The following RUNX3 variants were observed in gnomAD, a reference collection of about 807,000 sequenced individuals.
RUNX3 encodes RUNX family transcription factor 3.
RUNX3 carries 10 observed loss-of-function variants against 27.7 expected under a neutral mutation model. The ratio of observed to expected loss-of-function variants is 0.36; its 90% CI spans 0.22 to 0.61. The LOEUF (loss-of-function observed/expected upper bound fraction) is 0.61, where lower values mean the gene tolerates loss of function less well. Ranked by LOEUF, RUNX3 falls within the 20% of genes least tolerant of loss-of-function variation. The pLI is 0.72. For missense variants in RUNX3, 469 were observed against 629.5 expected (o/e 0.75, Z 2.73); for synonymous variants, 270 against 269.2 (o/e 1.00, Z -0.03).
intron 2 of RUNX3, among the ~76,000 whole-genome samples, chr1:24,960,681 C>A (rs1289008705): frequency 6.6e-6 from 1 of 152,012 alleles, no homozygotes; most frequent in Non-Finnish European, 1.5e-5. Context: ...GGGGGGGTGC[C>A]CCAGGGGGTG....
chr1:24,929,106 C>T, intron 1 of RUNX3: 1 of 460,002 alleles, frequency 2.2e-6, no homozygotes, highest in Middle Eastern at 3.2e-4. Flanking sequence ...GGCCTAGCGC[C>T]GTCCGGTAAA....
intron 3 of RUNX3, among the ~76,000 whole-genome samples, chr1:24,912,299 C>T (rs190309414): frequency 6.8e-4 from 103 of 152,314 alleles, no homozygotes; most frequent in African/African-American, 2.4e-3. Context: ...GTCAGAGGGG[C>T]CCCAGAAAGA....
intron 3 of RUNX3, among the ~76,000 whole-genome samples, chr1:24,914,258 C>A (rs554415378): frequency 1.9e-4 from 29 of 152,352 alleles, no homozygotes; most frequent in African/African-American, 6.7e-4. Flanking sequence ...ACAGTGTGGG[C>A]TCCAATGACC....
intron 2 of RUNX3, chr1:24,964,482 C>A (rs1419754520): frequency 6.3e-7 from 1 of 1,577,812 alleles, no homozygotes; most frequent in Admixed American, 1.7e-5. Context: ...GCCACAGCTC[C>A]CCACCCAGGG....
At chr1:24,903,270 G>A (rs904615432) in intron 4 of RUNX3, among the ~76,000 whole-genome samples, 14 of 152,198 alleles carry the variant, frequency 9.2e-5, no homozygotes, top group African/African-American at 3.1e-4. Context: ...TGCAGCACGC[G>A]GAGGTTCTGT....
Position 24,919,290 on chromosome 1 carries a change from G to A in RUNX3, c.494C>T (p.Thr165Ile). 3.7e-6 allele frequency: 6 copies of A among 1,605,474 alleles called. No homozygotes were observed. Among genetic ancestry groups the A allele is most frequent in the Non-Finnish European group, 5.1e-6 (6 of 1,176,422 alleles). The change falls in exon 3 of 5, where the codon ACC becomes ATC. Residue 165 changes from threonine to isoleucine, a missense_variant. Thr to Ile is a moderately conservative substitution (Grantham distance 89, BLOSUM62 -1). Coordinates refer to ENST00000308873, the MANE Select transcript of RUNX3 (RefSeq NM_004350.3). ...TVFTNPTQVA[T>I]YHRAIKVTVD... ...GGTCACCTTGATGGCTCGGTGGTAG[G>A]TCGCCACTTGGGTGGGGTTGGTGAA... is the stretch of plus-strand genomic sequence containing the variant.
In RUNX3 at chr1:24,901,980, C is replaced by T; in HGVS notation, c.*142G>A. 1.3e-6 allele frequency: 1 copy of T among 746,896 alleles called. No homozygotes were observed. The highest frequency in any genetic ancestry group is 2.7e-5 in the East Asian group (1 of 36,792). 46.3% of individuals were successfully genotyped at this position (746,896 alleles called of 1,614,324 possible). A position where few individuals can be genotyped will look rare whatever the true frequency, so the allele number is the denominator to read the frequency against. On this transcript the variant is annotated 3_prime_UTR_variant, in exon 5 of 5. Transcript: ENST00000308873. The stretch of plus-strand genomic sequence containing the variant: ...GGCTGCACAGATGCAGCCAGAGGCT[C>T]CCACCAGCTGGGACCACCCTGGGAC...
At chr1:24,924,507 G>A (rs189079605) in intron 2 of RUNX3, among the ~76,000 whole-genome samples, 12 of 147,654 alleles carry the variant, frequency 8.1e-5, no homozygotes, top group Middle Eastern at 3.4e-3. Flanking sequence ...TTTGTTCAGC[G>A]CTTTGCCAAC....
chr1:24,901,833 C>CG lies in RUNX3; in HGVS notation c.*288dup, dbSNP rs199797589. On this transcript the variant is annotated 3_prime_UTR_variant, in exon 5 of 5. Coordinates refer to ENST00000308873, the MANE Select transcript of RUNX3 (RefSeq NM_004350.3). ...ATAGCTGGAGACAGTGAGGTCCTTC[C>CG]GGGGGGGTGGCAGGAGGCTGATTCC... 48 of 433,722 alleles carry CG rather than the reference C, an allele frequency of 1.1e-4. No individual in the cohort carries two copies. The highest frequency in any genetic ancestry group is 1.6e-4 in the Non-Finnish European group (38 of 242,434). The allele number at this position is 433,722 out of a possible 1,614,324, so 26.9% of individuals were successfully genotyped here.
Position 24,904,219 on chromosome 1 carries a change from C to A in RUNX3, c.704-1553G>T. Among the ~76,000 whole-genome samples the A allele has an allele frequency of 6.6e-6, 1 of 152,150 alleles. No homozygotes were observed. The highest frequency in any genetic ancestry group is 1.9e-4 in the East Asian group (1 of 5,190). The stretch of plus-strand genomic sequence containing the variant: ...CCGGAGTGGGCTCTGCCTGCCACGC[C>A]GAGGCTTGGCTGAGGACGGAGAGCT... On this transcript the variant is annotated intron_variant, in intron 4 of 4. Coordinates refer to ENST00000308873, the MANE Select transcript of RUNX3 (RefSeq NM_004350.3). The surrounding 1 kb of genome is among the most constrained non-coding windows in gnomAD (Gnocchi z 5.7).
At chr1:24,949,916 A>G (rs1407524677) in intron 2 of RUNX3, among the ~76,000 whole-genome samples, 1 of 152,172 alleles carries the variant, frequency 6.6e-6, no homozygotes, top group Non-Finnish European at 1.5e-5. Context: ...CGGGGCTTCC[A>G]TGTCCCAGGG....
intron 1 of RUNX3, chr1:24,964,728 C>A: frequency 6.8e-7 from 1 of 1,468,676 alleles, no homozygotes; most frequent in South Asian, 1.4e-5. Flanking sequence ...GTTTTTGTCT[C>A]TTTTTTCCCC....
chr1:24,953,087 C>T (rs1641808247), intron 2 of RUNX3, among the ~76,000 whole-genome samples: 1 of 151,998 alleles, frequency 6.6e-6, no homozygotes, highest in Non-Finnish European at 1.5e-5. Flanking sequence ...GAAAAAAAGG[C>T]AGGGCGCGGT....
Position 24,930,247 on chromosome 1 carries a change from C to T in RUNX3, c.-379G>A. The T allele has an allele frequency of 1.0e-6, 1 of 983,516 alleles. No homozygotes were observed. The highest frequency in any genetic ancestry group is 1.2e-6 in the Non-Finnish European group (1 of 829,122). The allele number at this position is 983,516 out of a possible 1,614,324, so 60.9% of individuals were successfully genotyped here. A position where few individuals can be genotyped will look rare whatever the true frequency, so the allele number is the denominator to read the frequency against. On this transcript the variant is annotated 5_prime_UTR_variant, in exon 1 of 5. Transcript: ENST00000308873. The surrounding 1 kb of genome is among the most constrained non-coding windows in gnomAD (Gnocchi z 4.1). The stretch of plus-strand genomic sequence containing the variant: ...GCCGCCCCGACTCCGCGGCCGCAGC[C>T]CCAGAACAAATCCTCCAGAATCAAG...
intron 2 of RUNX3, among the ~76,000 whole-genome samples, chr1:24,941,363 C>T (rs1412685883): frequency 1.3e-5 from 2 of 152,204 alleles, no homozygotes; most frequent in African/African-American, 4.8e-5. Flanking sequence ...CAAAGTTGTG[C>T]AGCAACCTCA....
At position 24,902,585 on chromosome 1, in the gene RUNX3, C is replaced by A; in HGVS notation, c.785G>T (p.Arg262Leu). The change falls in exon 5 of 5, where the codon CGC becomes CTC. Residue 262 changes from arginine to leucine, a missense_variant. Arg to Leu is a moderately radical substitution (Grantham distance 102). Coordinates refer to ENST00000308873, the MANE Select transcript of RUNX3 (RefSeq NM_004350.3). The surrounding 1 kb of genome is among the most constrained non-coding windows in gnomAD (Gnocchi z 9.2). The stretch of plus-strand genomic sequence containing the variant: ...ATAATGCATCCTGGGGTCTGGGAAG[C>A]GGCTCTCCGTGAGGGTTGGCAGCGT... ...FPTLPTLTES[R>L]FPDPRMHYPG... The A allele has an allele frequency of 6.4e-7, 1 of 1,562,452 alleles. No homozygotes were observed. Among genetic ancestry groups the A allele is most frequent in the Non-Finnish European group, 8.7e-7 (1 of 1,148,610 alleles).
upstream of RUNX3, among the ~76,000 whole-genome samples, chr1:24,931,358 C>T (rs1259168385): frequency 6.6e-6 from 1 of 152,216 alleles, no homozygotes; most frequent in East Asian, 1.9e-4. Context: ...CTCCCAGCCG[C>T]GTGGCCCAAC....
chr1:24,914,296 G>C (rs1019445659), intron 3 of RUNX3, among the ~76,000 whole-genome samples: 15 of 152,210 alleles, frequency 9.9e-5, no homozygotes, highest in Admixed American at 4.6e-4. Flanking sequence ...GAAGCCACTC[G>C]GCAGCCTTCT....
Position 24,946,498 on chromosome 1 carries a change from T to C in RUNX3, c.59-16646A>G, listed in dbSNP as rs981777667. On this transcript the variant is annotated intron_variant, in intron 2 of 6. Transcript: ENST00000338888. ...TGTGTATGTGTGTTCTCCTGTTTTCTTAAAGCCTCCCTGATGGCAGGGGAC... is the reference window on the plus strand; with the variant it reads ...TGTGTATGTGTGTTCTCCTGTTTTCCTAAAGCCTCCCTGATGGCAGGGGAC... Among the ~76,000 whole-genome samples, 3 of 152,036 alleles carry C rather than the reference T, an allele frequency of 2.0e-5. 1 individual carries two copies. Among genetic ancestry groups the C allele is most frequent in the African/African-American group, 7.2e-5 (3 of 41,388 alleles).
Sources: gnomAD v4.1 joint callset for allele counts (sites outside exome capture counted in the v4.1 genomes callset) on GRCh38, gnomAD v4.1.1 for gene constraint, Gnocchi (gnomAD v3.1) non-coding constraint, MANE v1.5 for transcripts, NCBI Gene and HGNC (gene_info 2026-07-23, HGNC 2026-07-21) for gene names.